Variants in PTPRJ observed in about 807,000 individuals in gnomAD.
The protein encoded by PTPRJ is protein tyrosine phosphatase receptor type J, also known as receptor-type tyrosine-protein phosphatase eta.
In PTPRJ, 129 loss-of-function variants were observed where a neutral mutation model predicts 141.3. That is an observed-to-expected ratio of 0.91 (90% CI 0.79 to 1.06). PTPRJ has a LOEUF of 1.06. Among genes scored for constraint, PTPRJ ranks in the 50% least tolerant of loss-of-function variants. The pLI is 0.00. For missense variants in PTPRJ, 1,601 were observed against 1,679.7 expected, an observed-to-expected ratio of 0.95 and a Z score of 0.82; for synonymous variants, 610 against 640.5, an observed-to-expected ratio of 0.95 and a Z score of 0.72.
intron 1 of PTPRJ, among the ~76,000 whole-genome samples, chr11:47,992,863 T>C (rs1388755981): frequency 1.3e-5 from 2 of 152,160 alleles, no homozygotes; most frequent in Non-Finnish European, 2.9e-5. Context: ...GTGGTGTGTA[T>C]GTGTGTATAC....
chr11:48,064,509 GC>G (rs1268827398), intron 1 of PTPRJ, among the ~76,000 whole-genome samples: 2 of 152,192 alleles, frequency 1.3e-5, no homozygotes, highest in East Asian at 3.8e-4. Context: ...GTCTGCCCGA[GC>G]CTTTCCTGCT....
intron 22 of PTPRJ, 101 bp from the exon 23 acceptor site, chr11:48,163,357 A>C (rs767426671): frequency 7.9e-5 from 90 of 1,144,958 alleles, no homozygotes; most frequent in Non-Finnish European, 1.1e-4. Context: ...TAGTCATTAC[A>C]ACTCCTGGTT....
At chr11:48,121,918 C>A (rs1856717460) in intron 4 of PTPRJ, among the ~76,000 whole-genome samples, 1 of 151,852 alleles carries the variant, frequency 6.6e-6, no homozygotes, top group Admixed American at 6.6e-5. Flanking sequence ...ATCTAGGGGG[C>A]TGGGGAGTGT....
intron 1 of PTPRJ, among the ~76,000 whole-genome samples, chr11:48,049,430 C>A (rs1210949449): frequency 6.6e-6 from 1 of 152,008 alleles, no homozygotes; most frequent in Non-Finnish European, 1.5e-5. Flanking sequence ...GTAATCCCAG[C>A]ACTTTGGGAG....
intron 6 of PTPRJ, among the ~76,000 whole-genome samples, chr11:48,126,308 A>C (rs545757920): frequency 5.9e-4 from 89 of 152,020 alleles, no homozygotes; most frequent in African/African-American, 2.1e-3. Flanking sequence ...TGGTGGTGTG[A>C]ATTCACACAC....
At chr11:48,089,576 C>CT (rs1490585472) in intron 1 of PTPRJ, among the ~76,000 whole-genome samples, 8 of 151,692 alleles carry the variant, frequency 5.3e-5, no homozygotes, top group Non-Finnish European at 1.2e-4. Context: ...TTGCCTGTAC[C>CT]TATCACCTGA....
chr11:48,105,044 G>A (rs1347324120), intron 1 of PTPRJ, among the ~76,000 whole-genome samples: 1 of 152,110 alleles, frequency 6.6e-6, no homozygotes, highest in Non-Finnish European at 1.5e-5. Context: ...TCTGACTTGC[G>A]ACTGGACGGT....
At chr11:48,054,073 C>T (rs1046214378) in intron 1 of PTPRJ, among the ~76,000 whole-genome samples, 10 of 151,566 alleles carry the variant, frequency 6.6e-5, no homozygotes, top group African/African-American at 2.4e-4. Flanking sequence ...GCTGGGATTA[C>T]AGGTGCCTGC....
rs750009042 is a variant in PTPRJ at position 48,128,028 on chromosome 11, C to T, written c.1342C>T (p.Leu448Phe). 13 of 1,612,990 alleles carry T rather than the reference C, an allele frequency of 8.1e-6. No individual in the cohort carries two copies. Among genetic ancestry groups the T allele is most frequent in the South Asian group, 1.1e-5 (1 of 91,068 alleles). The change falls in exon 7 of 25, where the codon CTC becomes TTC. Residue 448 changes from leucine (L) to phenylalanine (F), a missense_variant. By Grantham distance (22) the Leu-to-Phe change is conservative. Transcript: ENST00000418331. ...LGDIEGTPGFLQVHTPPVPVS... is the reference protein window; with the variant it reads ...LGDIEGTPGFFQVHTPPVPVS... ...TGACATCGAGGGCACGCCGGGCTTC[C>T]TCCAAGTGCACACCCGTGAGTTCAT...
chr11:48,153,875 A>T lies in PTPRJ; in HGVS notation c.3218A>T (p.Asn1073Ile), dbSNP rs373033881. 1 of 1,610,524 alleles carries T rather than the reference A, an allele frequency of 6.2e-7. No homozygotes were observed. The highest frequency in any genetic ancestry group is 1.3e-5 in the African/African-American group (1 of 74,842). Reference sequence around the variant, plus strand: ...AATAGAGGAAAGAATCGCTATAATAATGTTCTGCCCTGTAAGTTATTTTAT... The same window carrying T: ...AATAGAGGAAAGAATCGCTATAATATTGTTCTGCCCTGTAAGTTATTTTAT... ...AENRGKNRYNNVLPYDISRVK... is the reference protein window; with the variant it reads ...AENRGKNRYNIVLPYDISRVK... Residue 1073 changes from asparagine to isoleucine, a missense_variant, in exon 19 of 25, where the codon AAT (asparagine) becomes ATT (isoleucine). Asn to Ile is a moderately radical substitution (Grantham distance 149, BLOSUM62 -3). Coordinates refer to ENST00000418331, the MANE Select transcript of PTPRJ (RefSeq NM_002843.4).
At chr11:48,011,087 C>T (rs933903857) in intron 1 of PTPRJ, among the ~76,000 whole-genome samples, 1 of 152,050 alleles carries the variant, frequency 6.6e-6, no homozygotes, top group African/African-American at 2.4e-5. Context: ...ATTCAGGGAC[C>T]AGGGCCCCTG....
intron 15 of PTPRJ, 94 bp downstream of exon 15, chr11:48,147,057 T>C: frequency 3.8e-6 from 4 of 1,039,042 alleles, no homozygotes; most frequent in South Asian, 2.6e-5. Flanking sequence ...GAAGGAATGA[T>C]ATGATGAGCG....
intron 12 of PTPRJ, among the ~76,000 whole-genome samples, 200 bp downstream of exon 12, chr11:48,143,250 A>G (rs1482607173): frequency 1.3e-5 from 2 of 152,224 alleles, no homozygotes; most frequent in Admixed American, 6.5e-5. Flanking sequence ...CCAGATTGCC[A>G]ATATTTTAAG....
chr11:48,046,866 CCTTT>C (rs1202268878), intron 1 of PTPRJ, among the ~76,000 whole-genome samples: 9 of 138,472 alleles, frequency 6.5e-5, no homozygotes, highest in African/African-American at 2.4e-4. Flanking sequence ...TTCTATGCTG[CCTTT>C]CTATGAATAA....
intron 3 of PTPRJ, among the ~76,000 whole-genome samples, 160 bp from the exon 4 acceptor site, chr11:48,120,843 G>A (rs976103699): frequency 1.2e-4 from 19 of 152,100 alleles, no homozygotes; most frequent in African/African-American, 4.6e-4. Flanking sequence ...GTATGCATAT[G>A]GATTTAAATA....
At chr11:48,140,798 G>A (rs925573845) in intron 11 of PTPRJ, among the ~76,000 whole-genome samples, 2 of 152,106 alleles carry the variant, frequency 1.3e-5, no homozygotes, top group African/African-American at 4.8e-5. Flanking sequence ...TATATTAAAA[G>A]TATTATTTCA....
At chr11:48,138,898 G>T (rs1446361237) in intron 10 of PTPRJ, among the ~76,000 whole-genome samples, 2 of 152,188 alleles carry the variant, frequency 1.3e-5, no homozygotes, top group African/African-American at 2.4e-5. Context: ...ACTTTGGGAG[G>T]CCAAGGTGGG....
chr11:48,137,623 A>G (rs1857136044), intron 10 of PTPRJ, among the ~76,000 whole-genome samples: 2 of 152,154 alleles, frequency 1.3e-5, no homozygotes, highest in Non-Finnish European at 2.9e-5. Flanking sequence ...GGAGCCAGCC[A>G]TGTGGATATC....
At chr11:48,139,803 G>T (rs1419336730) in intron 11 of PTPRJ, 27 bp downstream of exon 11, 1 of 1,610,734 alleles carries the variant, frequency 6.2e-7, no homozygotes, top group East Asian at 2.2e-5. Flanking sequence ...GGGCTGGTCA[G>T]TTGGCACTGT....
Sources: gnomAD v4.1 joint callset for allele counts (sites outside exome capture counted in the v4.1 genomes callset) on GRCh38, gnomAD v4.1.1 for gene constraint, MANE v1.5 for transcripts, NCBI Gene and HGNC (gene_info 2026-07-23, HGNC 2026-07-21) for gene names.